Variants in SCRG1 observed in about 807,000 individuals in gnomAD.
SCRG1 encodes scrapie-responsive protein 1.
A neutral mutation model predicts 7.7 loss-of-function variants in SCRG1; 3 were observed. The ratio of observed to expected loss-of-function variants is 0.39; its 90% confidence interval spans 0.18 to 1.01. SCRG1 has a LOEUF of 1.01. Among genes scored for constraint, SCRG1 ranks in the 50% least tolerant of loss-of-function variants. SCRG1 has a pLI of 0.36. For missense variants in SCRG1, 110 were observed against 117.2 expected, an observed-to-expected ratio of 0.94 and a Z score of 0.28; for synonymous variants, 46 against 41.2, an observed-to-expected ratio of 1.12 and a Z score of -0.44.
the SCRG1 span, among the ~76,000 whole-genome samples, chr4:173,512,054 T>C: frequency 2.0e-5 from 3 of 152,346 alleles, no homozygotes; most frequent in East Asian, 1.9e-4. Context: ...CAAGTACTAA[T>C]GGTAAAATCG....
At chr4:173,490,098 C>A in the SCRG1 span, among the ~76,000 whole-genome samples, 6 of 152,134 alleles carry the variant, frequency 3.9e-5, no homozygotes, top group Admixed American at 3.9e-4. Flanking sequence ...CATGACAGTG[C>A]CTAGAAGTCT....
At chr4:173,407,184 G>C (rs760902067), upstream of SCRG1, among the ~76,000 whole-genome samples, 1 of 150,926 alleles carries the variant, frequency 6.6e-6, no homozygotes, top group Non-Finnish European at 1.5e-5. Context: ...ATTCCAGCCT[G>C]GGCGACAGAG....
the SCRG1 span, among the ~76,000 whole-genome samples, chr4:173,511,045 C>A: frequency 4.4e-4 from 67 of 152,294 alleles, no homozygotes; most frequent in East Asian, 9.3e-3. The surrounding 1 kb of genome is among the most constrained non-coding windows in gnomAD (Gnocchi z 5.2). Flanking sequence ...CTGCTCACTG[C>A]AACTTCCGCC....
intron 1 of SCRG1, among the ~76,000 whole-genome samples, chr4:173,392,524 A>G (rs1284483225): frequency 1.3e-5 from 2 of 152,202 alleles, no homozygotes; most frequent in East Asian, 3.8e-4. Flanking sequence ...CAACAATTCT[A>G]ATTTCTCTTC....
At chr4:173,461,097 C>G in the SCRG1 span, among the ~76,000 whole-genome samples, 2 of 152,214 alleles carry the variant, frequency 1.3e-5, no homozygotes, top group Non-Finnish European at 2.9e-5. Context: ...CAGTCTAGTT[C>G]CTGACTCCTG....
intron 2 of SCRG1, among the ~76,000 whole-genome samples, chr4:173,388,630 C>T (rs533122176): frequency 4.6e-5 from 7 of 152,106 alleles, no homozygotes; most frequent in South Asian, 4.2e-4. Context: ...CTGTCATTTA[C>T]GAAGAAAAAG....
chr4:173,475,306 G>A, the SCRG1 span, among the ~76,000 whole-genome samples: 1 of 152,330 alleles, frequency 6.6e-6, no homozygotes, highest in African/African-American at 2.4e-5. Flanking sequence ...GGAGATGTTT[G>A]TCACAATAAC....
the SCRG1 span, among the ~76,000 whole-genome samples, chr4:173,459,005 A>G: frequency 6.6e-6 from 1 of 152,360 alleles, no homozygotes; most frequent in East Asian, 1.9e-4. Context: ...AAACTGTTAA[A>G]AGAGACAAAA....
upstream of SCRG1, among the ~76,000 whole-genome samples, chr4:173,408,216 C>A (rs557248528): frequency 7.9e-5 from 12 of 152,240 alleles, no homozygotes; most frequent in South Asian, 2.5e-3. Context: ...GTTAGAGAGT[C>A]ACCTATGTCC....
the SCRG1 span, among the ~76,000 whole-genome samples, chr4:173,427,682 C>T: frequency 3.3e-5 from 5 of 152,200 alleles, no homozygotes; most frequent in Non-Finnish European, 7.3e-5. Context: ...GCCAGGCACC[C>T]TCATGGACTG....
At chr4:173,419,491 T>G in the SCRG1 span, 2 of 787,394 alleles carry the variant, frequency 2.5e-6, no homozygotes, top group Non-Finnish European at 4.3e-6. Flanking sequence ...TGGAAGCATT[T>G]TCATCTTCTT....
chr4:173,483,504 C>CTGATATATAAGATATTATATATTGTATTA, the SCRG1 span, among the ~76,000 whole-genome samples: 324 of 22,524 alleles, frequency 0.014, 100 homozygotes, highest in African/African-American at 0.055. Context: ...ATATTATATT[C>CTGATATATAAGATATTATATATTGTATTA]TGATATATAA....
the SCRG1 span, among the ~76,000 whole-genome samples, chr4:173,463,956 G>T: frequency 2.6e-5 from 4 of 152,112 alleles, no homozygotes; most frequent in African/African-American, 9.7e-5. Flanking sequence ...CGGACAATGG[G>T]GGGAGAATGC....
chr4:173,511,447 T>C, the SCRG1 span, among the ~76,000 whole-genome samples: 1 of 151,404 alleles, frequency 6.6e-6, no homozygotes, highest in Admixed American at 6.6e-5. The surrounding 1 kb of genome is among the most constrained non-coding windows in gnomAD (Gnocchi z 5.2). Context: ...TTTTGTTTTG[T>C]TTTTTTTCTG....
the SCRG1 span, among the ~76,000 whole-genome samples, chr4:173,438,959 C>T: frequency 1.3e-5 from 2 of 151,854 alleles, no homozygotes; most frequent in Admixed American, 1.3e-4. Context: ...GGAACGGTTC[C>T]AATTAGAAGT....
At chr4:173,424,317 T>C in the SCRG1 span, among the ~76,000 whole-genome samples, 204 of 152,354 alleles carry the variant, frequency 1.3e-3, no homozygotes, top group African/African-American at 4.6e-3. Flanking sequence ...ATAGAAATTG[T>C]ATTTATTCTC....
At chr4:173,444,773 G>T in the SCRG1 span, among the ~76,000 whole-genome samples, 2 of 152,128 alleles carry the variant, frequency 1.3e-5, no homozygotes, top group African/African-American at 4.8e-5. Context: ...TCTTGTTGTG[G>T]TGGGAGCAGG....
chr4:173,492,250 G>C, the SCRG1 span, among the ~76,000 whole-genome samples: 1 of 152,208 alleles, frequency 6.6e-6, no homozygotes, highest in Admixed American at 6.5e-5. Context: ...AAAAGTTGCT[G>C]TTTTTCCTCC....
the SCRG1 span, among the ~76,000 whole-genome samples, chr4:173,466,466 G>A: frequency 6.6e-6 from 1 of 152,112 alleles, no homozygotes; most frequent in Admixed American, 6.6e-5. Flanking sequence ...CAGTCAAATG[G>A]CAGAATTAGG....
Sources: gnomAD v4.1 joint callset for allele counts (sites outside exome capture counted in the v4.1 genomes callset) on GRCh38, gnomAD v4.1.1 for gene constraint, Gnocchi (gnomAD v3.1) non-coding constraint, MANE v1.5 for transcripts, NCBI Gene and HGNC (gene_info 2026-07-23, HGNC 2026-07-21) for gene names.